CPED1: variants seen among roughly 807,000 people sequenced by gnomAD.
CPED1 encodes the protein cadherin like and PC-esterase domain containing 1.
In CPED1, 114 loss-of-function variants were observed where a neutral mutation model predicts 128.2. The observed-to-expected ratio is 0.89, with a 90% CI of 0.76 to 1.04. The LOEUF is 1.04. Among genes scored for constraint, CPED1 ranks in the 50% least tolerant of loss-of-function variants. The pLI, the probability that CPED1 is intolerant of heterozygous loss-of-function variation, is 0.00. For synonymous variants in CPED1, 462 were observed against 426.7 expected, an observed-to-expected ratio of 1.08 and a Z score of -1.02; for missense variants, 1,211 against 1,207.1, an observed-to-expected ratio of 1.00 and a Z score of -0.05.
At chr7:121,079,917 T>C (rs1794241419) in intron 5 of CPED1, among the ~76,000 whole-genome samples, 2 of 152,208 alleles carry the variant, frequency 1.3e-5, no homozygotes, top group South Asian at 4.1e-4. Context: ...CGCTGATAAT[T>C]TGTAGGATTC....
Position 121,181,836 on chromosome 7 carries a change from G to A in CPED1, c.2055+39695G>A, listed in dbSNP as rs993277155. 9.2e-5 allele frequency among the ~76,000 whole-genome samples: 14 copies of A among 152,080 alleles called. 1 individual carries two copies. The highest frequency in any genetic ancestry group is 2.2e-4 in the African/African-American group (9 of 41,428). On this transcript the variant is annotated intron_variant, in intron 16 of 22. Coordinates refer to ENST00000310396, the MANE Select transcript of CPED1 (RefSeq NM_024913.5). ...GGTCACACACCTAGTTCCTGGCAAG[G>A]CTGGCATATTATTGTCAGATAACTC...
At chr7:121,039,500 G>A (rs1329091771) in intron 3 of CPED1, among the ~76,000 whole-genome samples, 1 of 151,936 alleles carries the variant, frequency 6.6e-6, no homozygotes, top group Non-Finnish European at 1.5e-5. Flanking sequence ...TTTGCACTGG[G>A]AGTTTTCTGA....
chr7:121,249,039 A>G (rs1798606154), intron 18 of CPED1, among the ~76,000 whole-genome samples: 1 of 152,182 alleles, frequency 6.6e-6, no homozygotes, highest in Non-Finnish European at 1.5e-5. Flanking sequence ...ATACAATCAG[A>G]AGTATTAGCA....
chr7:121,170,390 G>A (rs1796625568), intron 16 of CPED1, among the ~76,000 whole-genome samples: 1 of 151,916 alleles, frequency 6.6e-6, no homozygotes, highest in South Asian at 2.1e-4. Context: ...CATTCTGCTT[G>A]GCAAAAGGTC....
intron 4 of CPED1, among the ~76,000 whole-genome samples, chr7:121,054,666 G>GTT (rs1793448598): frequency 2.8e-5 from 2 of 71,140 alleles, no homozygotes; most frequent in Non-Finnish European, 3.9e-5. Flanking sequence ...TCAGGGTTGA[G>GTT]GTTTTTTTTT....
chr7:121,254,417 G>T (rs1186288775), intron 18 of CPED1, among the ~76,000 whole-genome samples: 1 of 152,016 alleles, frequency 6.6e-6, no homozygotes, highest in African/African-American at 2.4e-5. Flanking sequence ...GTTGTGTTAA[G>T]AGGACAGTTT....
chr7:121,130,056 A>C (rs117201097), intron 11 of CPED1, 69 bp from the exon 12 acceptor site: 4 of 1,201,270 alleles, frequency 3.3e-6, no homozygotes, highest in African/African-American at 3.0e-5. Context: ...ACTAAGTATA[A>C]GGCTGTTCAT....
At chr7:121,165,531 A>C (rs1415615570) in intron 16 of CPED1, among the ~76,000 whole-genome samples, 2 of 152,168 alleles carry the variant, frequency 1.3e-5, no homozygotes, top group Admixed American at 6.5e-5. Flanking sequence ...TATGTTTAGT[A>C]ATCATTTGAC....
intron 7 of CPED1, among the ~76,000 whole-genome samples, chr7:121,105,138 G>T (rs1794943059): frequency 1.3e-5 from 2 of 152,028 alleles, no homozygotes; most frequent in Non-Finnish European, 2.9e-5. Flanking sequence ...TGTGCACAGA[G>T]GGCAGAGGAG....
rs149725505 is a variant in CPED1 at position 121,044,050 on chromosome 7, C to T, written c.434-2837C>T. On this transcript the variant is annotated intron_variant, in intron 3 of 22. Coordinates refer to ENST00000310396, the MANE Select transcript of CPED1 (RefSeq NM_024913.5). Reference sequence around the variant, plus strand: ...CAAATTTGTATCCCAAATGCTCCAACGCTAACTTCTCAATGTGATTTACTT... The same window carrying T: ...CAAATTTGTATCCCAAATGCTCCAATGCTAACTTCTCAATGTGATTTACTT... Among the ~76,000 whole-genome samples the T allele has an allele frequency of 2.5e-4, 38 of 152,208 alleles. 1 individual carries two copies. Among genetic ancestry groups the T allele is most frequent in the African/African-American group, 8.2e-4 (34 of 41,534 alleles).
intron 16 of CPED1, among the ~76,000 whole-genome samples, chr7:121,206,314 C>T (rs1219352688): frequency 6.6e-6 from 1 of 151,976 alleles, no homozygotes; most frequent in Non-Finnish European, 1.5e-5. Flanking sequence ...GGCAGCCAGG[C>T]ATTGTGAATA....
chr7:121,038,305 T>C (rs1792956228), intron 3 of CPED1, among the ~76,000 whole-genome samples: 1 of 152,122 alleles, frequency 6.6e-6, no homozygotes, highest in Non-Finnish European at 1.5e-5. Flanking sequence ...CCTTAAGGCA[T>C]GTGAGGAGCT....
chr7:121,158,630 T>C (rs372717361), intron 16 of CPED1, among the ~76,000 whole-genome samples: 2 of 152,028 alleles, frequency 1.3e-5, no homozygotes, highest in Non-Finnish European at 1.5e-5. Flanking sequence ...AGGTAATAGA[T>C]ACTGTGTATC....
intron 5 of CPED1, among the ~76,000 whole-genome samples, chr7:121,066,307 G>T (rs1793829581): frequency 6.6e-6 from 1 of 151,884 alleles, no homozygotes; most frequent in African/African-American, 2.4e-5. Flanking sequence ...TGTGACTTCA[G>T]GGGTTTTTTG....
intron 4 of CPED1, among the ~76,000 whole-genome samples, chr7:121,047,690 TCTTCTTCTTCTTCTTCTTCTTCTTC>T (rs1563004904): frequency 4.7e-4 from 48 of 101,740 alleles, no homozygotes; most frequent in South Asian, 6.0e-4. Context: ...TTCTTCTTCT[TCTTCTTCTTCTTCTTCTTCTTCTTC>T]TTTTTTTTTT....
intron 2 of CPED1, among the ~76,000 whole-genome samples, chr7:121,006,832 G>A (rs533484818): frequency 1.7e-4 from 26 of 152,230 alleles, no homozygotes; most frequent in African/African-American, 6.0e-4. Context: ...AACGTGGGTG[G>A]CATCTCAAAG....
At chr7:121,113,102 A>G (rs1795151892) in intron 7 of CPED1, among the ~76,000 whole-genome samples, 1 of 152,216 alleles carries the variant, frequency 6.6e-6, no homozygotes, top group Non-Finnish European at 1.5e-5. Context: ...CATGCATTTA[A>G]TCTATATCTT....
rs974473119 is a variant in CPED1, at chr7:121,296,142, G to C, written c.*490G>C. 1 of 152,860 alleles carries C rather than the reference G, an allele frequency of 6.5e-6. No homozygotes were observed. The highest frequency in any genetic ancestry group is 1.5e-5 in the Non-Finnish European group (1 of 68,280). The allele number at this position is 152,860 out of a possible 1,614,324, so 9.5% of individuals were successfully genotyped here. A position where few individuals can be genotyped will look rare whatever the true frequency, so the allele number is the denominator to read the frequency against. ...AAATGTGATGTTTATGATGGCTTAG[G>C]CTTTGTGAATCTAATGCTTATGAAA... On this transcript the variant is annotated 3_prime_UTR_variant, in exon 23 of 23. Coordinates refer to ENST00000310396, the MANE Select transcript of CPED1 (RefSeq NM_024913.5).
At chr7:121,025,050 A>C (rs1789110763) in intron 3 of CPED1, among the ~76,000 whole-genome samples, 1 of 152,096 alleles carries the variant, frequency 6.6e-6, no homozygotes, top group Non-Finnish European at 1.5e-5. Flanking sequence ...TACAACTTTT[A>C]CTTTCTACTC....
Sources: gnomAD v4.1 joint callset for allele counts (sites outside exome capture counted in the v4.1 genomes callset) on GRCh38, gnomAD v4.1.1 for gene constraint, MANE v1.5 for transcripts, NCBI Gene and HGNC (gene_info 2026-07-23, HGNC 2026-07-21) for gene names.